The following TJP1 variants were observed in gnomAD, a reference collection of about 807,000 sequenced individuals.
TJP1 encodes the protein tight junction protein ZO-1.
Under a neutral mutation model 194.2 loss-of-function variants are expected in TJP1, and 43 were observed. The ratio of observed to expected loss-of-function variants is 0.22; its 90% CI spans 0.17 to 0.29. The LOEUF is 0.29. Ranked by LOEUF, TJP1 falls within the 10% of genes least tolerant of loss-of-function variation. The probability of loss-of-function intolerance (pLI) is 1.00; values close to 1 mark genes in which losing one functional copy is unlikely to be tolerated. For synonymous variants in TJP1, 801 were observed against 779.0 expected (o/e 1.03, Z -0.47); for missense variants, 1,971 against 2,185.7 (o/e 0.90, Z 1.96).
At chr15:29,959,386 T>C (rs2056074641) in intron 1 of TJP1, among the ~76,000 whole-genome samples, 1 of 152,162 alleles carries the variant, frequency 6.6e-6, no homozygotes, top group Non-Finnish European at 1.5e-5. Flanking sequence ...TGTTTTTCTA[T>C]TTTCTCAGGA....
At chr15:29,942,005 C>T (rs948997582) in intron 2 of TJP1, among the ~76,000 whole-genome samples, 5 of 152,154 alleles carry the variant, frequency 3.3e-5, no homozygotes, top group Admixed American at 2.0e-4. Flanking sequence ...ACCAGAGCTG[C>T]GTCTCAGCCC....
intron 2 of TJP1, among the ~76,000 whole-genome samples, chr15:29,897,601 G>C (rs2053516128): frequency 6.6e-6 from 1 of 152,168 alleles, no homozygotes; most frequent in African/African-American, 2.4e-5. Flanking sequence ...GCCTGGAAAA[G>C]CCGCAAACAC....
intron 2 of TJP1, among the ~76,000 whole-genome samples, chr15:29,830,918 C>T (rs1296294248): frequency 6.6e-6 from 1 of 152,030 alleles, no homozygotes; most frequent in Non-Finnish European, 1.5e-5. Context: ...ACAAGTAGCT[C>T]TTATTGGCCA....
At chr15:29,956,948 T>C (rs965441461) in intron 1 of TJP1, among the ~76,000 whole-genome samples, 4 of 152,112 alleles carry the variant, frequency 2.6e-5, no homozygotes, top group South Asian at 2.1e-4. Context: ...GAAGAAGCCA[T>C]TAATATTAGA....
chr15:29,968,738 C>T, exon 1 of TJP1: 1 of 1,232,126 alleles, frequency 8.1e-7, no homozygotes, highest in Non-Finnish European at 1.0e-6. Context: ...TCTGCAGCAC[C>T]GTCAGGTATT....
At chr15:29,734,429 G>A in intron 11 of TJP1, 47 bp from the exon 12 acceptor site, 1 of 1,367,276 alleles carries the variant, frequency 7.3e-7, no homozygotes, top group Non-Finnish European at 1.0e-6. Flanking sequence ...TTAAGAATAT[G>A]AAAATAACAT....
At chr15:29,784,003 T>C (rs1250455799) in intron 2 of TJP1, among the ~76,000 whole-genome samples, 1 of 151,946 alleles carries the variant, frequency 6.6e-6, no homozygotes. Context: ...ACGCCAGAGA[T>C]TTTATAAAAA....
At chr15:29,820,262 C>A (rs1436025191) in intron 1 of TJP1, among the ~76,000 whole-genome samples, 1 of 151,268 alleles carries the variant, frequency 6.6e-6, no homozygotes. Context: ...ATTTTAATCA[C>A]CTTCAAAAAT....
chr15:29,814,055 C>T (rs1329949259), intron 1 of TJP1, among the ~76,000 whole-genome samples: 1 of 152,168 alleles, frequency 6.6e-6, no homozygotes. Flanking sequence ...TGTCTCCCTC[C>T]TATTGAGATA....
At chr15:29,730,781 A>T in intron 15 of TJP1, 2 of 773,458 alleles carry the variant, frequency 2.6e-6, no homozygotes, top group South Asian at 2.7e-5. Context: ...AACCACAGAG[A>T]AGATCCGCGA....
At chr15:29,819,208 G>T (rs905301538) in intron 1 of TJP1, among the ~76,000 whole-genome samples, 8 of 151,460 alleles carry the variant, frequency 5.3e-5, no homozygotes, top group African/African-American at 1.9e-4. Context: ...ATTTTTTTTA[G>T]CCTATGAGGC....
At chr15:29,704,465 T>C (rs1434975317) in intron 26 of TJP1, among the ~76,000 whole-genome samples, 160 bp from the exon 27 acceptor site, 1 of 152,210 alleles carries the variant, frequency 6.6e-6, no homozygotes, top group African/African-American at 2.4e-5. Context: ...CAGCCACATA[T>C]GGAATCTTAA....
intron 1 of TJP1, among the ~76,000 whole-genome samples, chr15:29,803,259 T>C (rs1049356000): frequency 6.6e-6 from 1 of 152,212 alleles, no homozygotes; most frequent in Non-Finnish European, 1.5e-5. Flanking sequence ...ACATTTCGAA[T>C]ACAGACAGTC....
intron 1 of TJP1, among the ~76,000 whole-genome samples, chr15:29,801,524 G>C (rs913794434): frequency 1.3e-5 from 2 of 150,168 alleles, no homozygotes. Flanking sequence ...TGCAGTGGCG[G>C]GATCTCGGCT....
At chr15:29,797,053 A>G (rs570304059) in intron 2 of TJP1, among the ~76,000 whole-genome samples, 1 of 152,362 alleles carries the variant, frequency 6.6e-6, no homozygotes, top group East Asian at 1.9e-4. Flanking sequence ...AGGAAAAATT[A>G]TTCTTGATTT....
At chr15:29,808,711 A>C (rs1437698011) in intron 1 of TJP1, among the ~76,000 whole-genome samples, 1 of 152,198 alleles carries the variant, frequency 6.6e-6, no homozygotes, top group African/African-American at 2.4e-5. Context: ...TGGGCGATCA[A>C]AATAGTAGAT....
intron 2 of TJP1, among the ~76,000 whole-genome samples, chr15:29,790,751 CTTTT>C (rs926624507): frequency 2.3e-5 from 3 of 130,802 alleles, no homozygotes; most frequent in Non-Finnish European, 3.3e-5. Flanking sequence ...GTTCATTTTT[CTTTT>C]TTTTTTTTTT....
At chr15:29,768,385 C>T (rs2046449196) in intron 4 of TJP1, among the ~76,000 whole-genome samples, 1 of 152,168 alleles carries the variant, frequency 6.6e-6, no homozygotes, top group Non-Finnish European at 1.5e-5. Context: ...TTACATCTCA[C>T]TTCTATTTAA....
chr15:29,721,537 T>TG (rs1377285801), intron 18 of TJP1, among the ~76,000 whole-genome samples: 1 of 152,150 alleles, frequency 6.6e-6, no homozygotes, highest in Non-Finnish European at 1.5e-5. Context: ...CAGTCTCAGG[T>TG]GGTTCTTTAT....
Sources: gnomAD v4.1 joint callset for allele counts (sites outside exome capture counted in the v4.1 genomes callset) on GRCh38, gnomAD v4.1.1 for gene constraint, MANE v1.5 for transcripts, NCBI Gene and HGNC (gene_info 2026-07-23, HGNC 2026-07-21) for gene names.